Variants in RNF17 observed in about 807,000 individuals in gnomAD.
RNF17 encodes spermatogenesis associated 23.
In RNF17, 31 loss-of-function variants were observed where a neutral mutation model predicts 200.5. That is an observed-to-expected ratio of 0.15 (90% CI 0.12 to 0.21). RNF17 has a LOEUF of 0.21. Among genes scored for constraint, RNF17 ranks in the 10% least tolerant of loss-of-function variants. The pLI is 1.00. For synonymous variants in RNF17, 606 were observed against 637.8 expected (o/e 0.95, Z 0.75); for missense variants, 1,628 against 1,905.1 (o/e 0.85, Z 2.71).
intron 1 of RNF17, among the ~76,000 whole-genome samples, chr13:24,766,711 A>C (rs962606210): frequency 1.3e-5 from 2 of 152,236 alleles, no homozygotes; most frequent in Non-Finnish European, 2.9e-5. Context: ...TAGTTAACCA[A>C]ATCTCCAAAA....
intron 16 of RNF17, among the ~76,000 whole-genome samples, chr13:24,829,254 C>T (rs1462348858): frequency 6.6e-6 from 1 of 152,004 alleles, no homozygotes; most frequent in Non-Finnish European, 1.5e-5. Context: ...TTCCCTTTTT[C>T]GCATGGAGCC....
intron 1 of RNF17, among the ~76,000 whole-genome samples, chr13:24,765,537 G>A (rs376229461): frequency 7.9e-5 from 12 of 152,302 alleles, no homozygotes; most frequent in African/African-American, 2.6e-4. Context: ...GATTTCAGTG[G>A]AGAACCAAGT....
At chr13:24,812,500 C>T (rs1166984203) in intron 15 of RNF17, among the ~76,000 whole-genome samples, 12 of 152,278 alleles carry the variant, frequency 7.9e-5, no homozygotes, top group African/African-American at 2.6e-4. Flanking sequence ...CCTGCTTCGG[C>T]TCACGCATGG....
the RNF17 span, among the ~76,000 whole-genome samples, chr13:24,887,903 CCA>C: frequency 2.6e-5 from 4 of 152,130 alleles, no homozygotes; most frequent in South Asian, 4.1e-4. Context: ...TCTCCAAAAA[CCA>C]CAGTTTGTGT....
intron 28 of RNF17, among the ~76,000 whole-genome samples, chr13:24,863,401 G>C (rs1893293721): frequency 1.3e-5 from 2 of 152,314 alleles, no homozygotes; most frequent in Admixed American, 1.3e-4. Context: ...GACTTGAACA[G>C]TGGAGGTTTG....
At chr13:24,766,028 G>C (rs957801884) in intron 1 of RNF17, among the ~76,000 whole-genome samples, 3 of 152,326 alleles carry the variant, frequency 2.0e-5, no homozygotes, top group Admixed American at 1.3e-4. Context: ...GGGAGATCAA[G>C]ACCAGCCTAG....
rs143933043 is a variant in RNF17 at position 24,872,488 on chromosome 13, G to GTACTAATT, written c.4448-1624_4448-1617dup. 7.4e-3 allele frequency among the ~76,000 whole-genome samples: 1,131 copies of GTACTAATT among 152,084 alleles called. 14 individuals are homozygous for GTACTAATT. The highest frequency in any genetic ancestry group is 0.025 in the African/African-American group (1,044 of 41,450). On this transcript the variant is annotated intron_variant, in intron 32 of 35. Coordinates refer to ENST00000255324, the MANE Select transcript of RNF17 (RefSeq NM_031277.3). ...GGATGTACGAAGGGAAGTATATACC[G>GTACTAATT]TACTAATTTTTCCACCGTTTAACTC... is the stretch of plus-strand genomic sequence containing the variant.
At chr13:24,884,847 A>G (rs1174249124), downstream of RNF17, among the ~76,000 whole-genome samples, 5 of 152,366 alleles carry the variant, frequency 3.3e-5, no homozygotes, top group East Asian at 7.7e-4. Context: ...TAAATTTTCC[A>G]TAAACCTGAG....
intron 19 of RNF17, 75 bp from the exon 20 acceptor site, chr13:24,843,669 C>G (rs1890927734): frequency 3.6e-6 from 3 of 841,248 alleles, no homozygotes; most frequent in African/African-American, 3.4e-5. Context: ...TCATCACAGT[C>G]AAGATACAGA....
At chr13:24,784,625 T>C (rs1184730941) in intron 6 of RNF17, among the ~76,000 whole-genome samples, 2 of 152,208 alleles carry the variant, frequency 1.3e-5, no homozygotes, top group African/African-American at 4.8e-5. Context: ...TGTGTACAGT[T>C]GTTCATAATA....
At chr13:24,770,284 A>G (rs752728464) in intron 2 of RNF17, among the ~76,000 whole-genome samples, 8 of 152,186 alleles carry the variant, frequency 5.3e-5, no homozygotes, top group Non-Finnish European at 1.0e-4. Flanking sequence ...TTTACAAGCA[A>G]CAAAAGCAGG....
intron 10 of RNF17, 29 bp from the exon 11 acceptor site, chr13:24,796,108 A>T: frequency 1.3e-6 from 2 of 1,533,356 alleles, no homozygotes; most frequent in East Asian, 4.6e-5. Flanking sequence ...CTCATGGTTT[A>T]TTAATGTGAC....
At chr13:24,751,933 G>A in the RNF17 span, 2 of 152,276 alleles carry the variant, frequency 1.3e-5, no homozygotes, top group East Asian at 3.9e-4. Context: ...GAGCCATAAT[G>A]TACAGCAGGC....
rs757908679 is a variant in RNF17, at chr13:24,844,672, C to T, written c.2852C>T (p.Ala951Val). Residue 951 changes from alanine (A) to valine (V), a missense_variant, in exon 21 of 36, where the codon GCT becomes GTT. Around this residue, in one of 5 missense-constraint regions of RNF17, gnomAD observed 227 missense variants for 319.8 expected, o/e 0.71. Transcript: ENST00000255324. ...LLNSLEEKMI[A>V]AYENSKWEPV... ...TATAGTTTAGAAGAAAAGATGATAG[C>T]TGCTTATGAAAACTCAAAATGGGAA... The T allele has an allele frequency of 6.2e-7, 1 of 1,600,028 alleles. No individual in the cohort carries two copies.
At chr13:24,877,545 C>T (rs1281436078) in intron 34 of RNF17, among the ~76,000 whole-genome samples, 1 of 152,054 alleles carries the variant, frequency 6.6e-6, no homozygotes, top group Non-Finnish European at 1.5e-5. Context: ...CTATAGCTAA[C>T]TTTGTGGGTG....
upstream of RNF17, among the ~76,000 whole-genome samples, chr13:24,760,153 T>C (rs1481946338): frequency 1.3e-5 from 2 of 151,946 alleles, no homozygotes; most frequent in African/African-American, 4.8e-5. Context: ...AAAATATATA[T>C]ATAGTCTTAG....
intron 15 of RNF17, among the ~76,000 whole-genome samples, chr13:24,819,940 C>T (rs1480192597): frequency 6.6e-6 from 1 of 152,062 alleles, no homozygotes; most frequent in Admixed American, 6.6e-5. Flanking sequence ...GTAATAGAGT[C>T]CCTCAGCCCT....
chr13:24,754,122 C>T, the RNF17 span, among the ~76,000 whole-genome samples: 16 of 151,074 alleles, frequency 1.1e-4, no homozygotes, highest in South Asian at 4.2e-4. Flanking sequence ...CGCACCATTG[C>T]ACTCCAGCCT....
the RNF17 span, chr13:24,750,975 G>T: frequency 1.3e-5 from 2 of 151,698 alleles, no homozygotes; most frequent in Admixed American, 6.6e-5. Flanking sequence ...ACTTTTTTTT[G>T]AGGCAAAAGA....
Sources: allele counts gnomAD v4.1 joint callset (sites outside exome capture counted in the v4.1 genomes callset), GRCh38; gene constraint gnomAD v4.1.1; regional missense constraint gnomAD v4.1.1; transcripts MANE v1.5; gene names NCBI Gene and HGNC (gene_info 2026-07-23, HGNC 2026-07-21).